Variants in ISL1 observed in about 807,000 individuals in gnomAD.
ISL1 encodes ISL LIM homeobox 1.
Under a neutral mutation model 35.3 loss-of-function variants are expected in ISL1, and 4 were observed. That is an observed-to-expected ratio of 0.11 (90% CI 0.06 to 0.26). The LOEUF (loss-of-function observed/expected upper bound fraction) is 0.26. Among genes scored for constraint, ISL1 ranks in the 10% least tolerant of loss-of-function variants. The pLI is 1.00. For missense variants in ISL1, 340 were observed against 472.8 expected (o/e 0.72, Z 2.60); for synonymous variants, 186 against 172.3 (o/e 1.08, Z -0.62).
intron 4 of ISL1, among the ~76,000 whole-genome samples, chr5:51,390,636 C>CTTTTTTTTTTTTTTTTTTTTTTTT (rs1216503548): frequency 1.3e-5 from 1 of 74,328 alleles, no homozygotes; most frequent in Non-Finnish European, 2.8e-5. Flanking sequence ...TCTTTTCTTT[C>CTTTTTTTTTTTTTTTTTTTTTTTT]TTTTTCTTTT....
intron 5 of ISL1, among the ~76,000 whole-genome samples, 197 bp from the exon 6 acceptor site, chr5:51,393,297 T>C (rs1433980701): frequency 6.6e-6 from 1 of 152,234 alleles, no homozygotes; most frequent in African/African-American, 2.4e-5. Flanking sequence ...TTTTGGAAGA[T>C]GGGAAAGTGA....
intron 2 of ISL1, among the ~76,000 whole-genome samples, chr5:51,385,982 C>T (rs1432889515): frequency 6.6e-6 from 1 of 151,572 alleles, no homozygotes; most frequent in Non-Finnish European, 1.5e-5. Flanking sequence ...TAAAATTAAC[C>T]TGGTTGGGGG....
At chr5:51,393,445 A>G (rs1440987135) in intron 5 of ISL1, 49 bp from the exon 6 acceptor site, 1 of 1,006,772 alleles carries the variant, frequency 9.9e-7, no homozygotes, top group Non-Finnish European at 1.6e-6. Context: ...TAATCTTTTT[A>G]TGAATACTAT....
rs1380483229 is a variant in ISL1 at position 51,389,578 on chromosome 5, C to T, written c.479-68C>T. 6.6e-6 allele frequency: 9 copies of T among 1,354,624 alleles called. No individual in the cohort carries two copies. In the East Asian group the frequency reaches 2.1e-4, roughly 31 times the overall value. The allele number at this position is 1,354,624 out of a possible 1,614,324, so 83.9% of individuals were successfully genotyped here. ...GCGGGCAAGCGAGCGAGCGAGCGAGCGCGCGACCGCGGGCGGGCCGGCAAG... is the reference window on the plus strand; with the variant it reads ...GCGGGCAAGCGAGCGAGCGAGCGAGTGCGCGACCGCGGGCGGGCCGGCAAG... On this transcript the variant is annotated intron_variant, in intron 3 of 5. Coordinates refer to ENST00000230658, the MANE Select transcript of ISL1 (RefSeq NM_002202.3). This position sits in a 1 kb window ranked among gnomAD's most constrained non-coding sequence, Gnocchi z 5.0.
rs947830516 is a variant in ISL1, at chr5:51,389,540, A to AGCGGGCGG, written c.479-95_479-88dup. 10 of 933,456 alleles carry AGCGGGCGG rather than the reference A, an allele frequency of 1.1e-5. No individual in the cohort carries two copies. In the Admixed American group the frequency reaches 3.5e-4, roughly 33 times the overall value. The allele number at this position is 933,456 out of a possible 1,614,324, so 57.8% of individuals were successfully genotyped here. On this transcript the variant is annotated intron_variant, in intron 3 of 5. Coordinates refer to ENST00000230658, the MANE Select transcript of ISL1 (RefSeq NM_002202.3). This position sits in a 1 kb window ranked among gnomAD's most constrained non-coding sequence, Gnocchi z 5.0. ...AGTATCTCGGGCGGGCGAGCAAGTA[A>AGCGGGCGG]GCGGGCGGGCGGGCGGGCAAGCGAG...
chr5:51,390,636 C>CTTTTTTT (rs1216503548), intron 4 of ISL1, among the ~76,000 whole-genome samples: 2 of 74,332 alleles, frequency 2.7e-5, no homozygotes, highest in Admixed American at 1.5e-4. Flanking sequence ...TCTTTTCTTT[C>CTTTTTTT]TTTTTCTTTT....
chr5:51,384,429 A>G, intron 1 of ISL1, 112 bp from the exon 2 acceptor site: 1 of 930,854 alleles, frequency 1.1e-6, no homozygotes, highest in East Asian at 2.5e-5. Flanking sequence ...GAAAGAAAGA[A>G]AGAAAGAAAA....
rs908889321 is a variant in ISL1 at position 51,394,265 on chromosome 5, A to C, written c.*655A>C. The C allele has an allele frequency of 6.5e-6, 1 of 152,686 alleles. No individual in the cohort carries two copies. The highest frequency in any genetic ancestry group is 1.5e-5 in the Non-Finnish European group (1 of 68,138). 9.5% of individuals were successfully genotyped at this position (152,686 alleles called of 1,614,324 possible). A position where few individuals can be genotyped will look rare whatever the true frequency, so the allele number is the denominator to read the frequency against. On this transcript the variant is annotated 3_prime_UTR_variant, in exon 6 of 6. Transcript: ENST00000230658. The stretch of plus-strand genomic sequence containing the variant: ...ATCAAGAAGTCTGAAGCGACTATAA[A>C]GGTTTTTGAATTCAGATTTAAAAAC...
At chr5:51,393,426 A>T (rs760178032) in intron 5 of ISL1, 68 bp from the exon 6 acceptor site, 1 of 870,996 alleles carries the variant, frequency 1.1e-6, no homozygotes, top group Non-Finnish European at 2.0e-6. Context: ...ATACAATATG[A>T]TGAGTTTATA....
chr5:51,391,150 A>T, intron 4 of ISL1, 124 bp from the exon 5 acceptor site: 1 of 866,738 alleles, frequency 1.2e-6, no homozygotes, highest in Non-Finnish European at 1.8e-6. Context: ...GGATTAACTG[A>T]GTCAATAAAG....
At position 51,390,642 on chromosome 5, in the gene ISL1, C is replaced by CTTTTTTTTTTTTTTTTTTTTTT. The variant is rs57707586; in HGVS notation, c.766-615_766-594dup. 2.9e-3 allele frequency among the ~76,000 whole-genome samples: 117 copies of CTTTTTTTTTTTTTTTTTTTTTT among 40,196 alleles called. 8 individuals are homozygous for CTTTTTTTTTTTTTTTTTTTTTT. The highest frequency in any genetic ancestry group is 3.3e-3 in the Non-Finnish European group (71 of 21,272). 26.4% of individuals were successfully genotyped at this position (40,196 alleles called of 152,430 possible). On this transcript the variant is annotated intron_variant, in intron 4 of 5. Coordinates refer to ENST00000230658, the MANE Select transcript of ISL1 (RefSeq NM_002202.3). ...TCCTTTTTTTCTTTTCTTTCTTTTTCTTTTTTTTTTTTTTTTTTTTTTTTT... is the reference window on the plus strand; with the variant it reads ...TCCTTTTTTTCTTTTCTTTCTTTTTCTTTTTTTTTTTTTTTTTTTTTTTTTTTTTTTTTTTTTTTTTTTTTTT...
intron 2 of ISL1, among the ~76,000 whole-genome samples, chr5:51,386,037 G>C (rs1247449439): frequency 2.6e-5 from 4 of 152,020 alleles, no homozygotes; most frequent in Admixed American, 1.3e-4. Context: ...AAGGGAAGTC[G>C]GGGTACAGGA....
rs1057369429 is a variant in ISL1 at position 51,389,558 on chromosome 5, C to T, written c.479-88C>T. The T allele has an allele frequency of 6.2e-5, 76 of 1,219,556 alleles. No individual in the cohort carries two copies. Among genetic ancestry groups the T allele is most frequent in the Non-Finnish European group, 7.5e-5 (71 of 945,598 alleles). The allele number at this position is 1,219,556 out of a possible 1,614,324, so 75.5% of individuals were successfully genotyped here. A position where few individuals can be genotyped will look rare whatever the true frequency, so the allele number is the denominator to read the frequency against. ...GCAAGTAAGCGGGCGGGCGGGCGGG[C>T]AAGCGAGCGAGCGAGCGAGCGCGCG... On this transcript the variant is annotated intron_variant, in intron 3 of 5. Transcript: ENST00000230658. The surrounding 1 kb of genome is among the most constrained non-coding windows in gnomAD (Gnocchi z 5.0).
Position 51,387,779 on chromosome 5 carries a change from G to A in ISL1, c.478+30G>A. On this transcript the variant is annotated intron_variant, in intron 3 of 5. Coordinates refer to ENST00000230658, the MANE Select transcript of ISL1 (RefSeq NM_002202.3). This position sits in a 1 kb window ranked among gnomAD's most constrained non-coding sequence, Gnocchi z 4.3. Reference sequence around the variant, plus strand: ...TCCTCTGCCCGGCTCGGGTAGGCAGGCGCCAGGTTAAGCCAGCCTGTGTGC... The same window carrying A: ...TCCTCTGCCCGGCTCGGGTAGGCAGACGCCAGGTTAAGCCAGCCTGTGTGC... 2.5e-6 allele frequency: 4 copies of A among 1,611,964 alleles called. No individual in the cohort carries two copies. The highest frequency in any genetic ancestry group is 2.5e-6 in the Non-Finnish European group (3 of 1,179,530).
rs1161102145 is a variant in ISL1, at chr5:51,389,593, GGGCC to G, written c.479-49_479-46del. On this transcript the variant is annotated intron_variant, in intron 3 of 5. Coordinates refer to ENST00000230658, the MANE Select transcript of ISL1 (RefSeq NM_002202.3). The surrounding 1 kb of genome is among the most constrained non-coding windows in gnomAD (Gnocchi z 5.0). ...AGCGAGCGAGCGCGCGACCGCGGGC[GGGCC>G]GGCAAGCGAGCCTCCAGCCCAGCGC... 1.4e-6 allele frequency: 2 copies of G among 1,425,764 alleles called. No homozygotes were observed. The highest frequency in any genetic ancestry group is 5.6e-5 in the East Asian group (2 of 35,594). 88.3% of individuals were successfully genotyped at this position (1,425,764 alleles called of 1,614,324 possible).
At position 51,393,917 on chromosome 5, in the gene ISL1, A is replaced by T. The variant is rs1233632645; in HGVS notation, c.*307A>T. 1 of 380,528 alleles carries T rather than the reference A, an allele frequency of 2.6e-6. No individual in the cohort carries two copies. Among genetic ancestry groups the T allele is most frequent in the Admixed American group, 4.3e-5 (1 of 23,442 alleles). 23.6% of individuals were successfully genotyped at this position (380,528 alleles called of 1,614,324 possible). A position where few individuals can be genotyped will look rare whatever the true frequency, so the allele number is the denominator to read the frequency against. On this transcript the variant is annotated 3_prime_UTR_variant, in exon 6 of 6. Transcript: ENST00000230658. Reference sequence around the variant, plus strand: ...AAACGTAGAGGATTTATATTCAAGGATCTCAAAGAAAGCATTTTCATTTCA... The same window carrying T: ...AAACGTAGAGGATTTATATTCAAGGTTCTCAAAGAAAGCATTTTCATTTCA...
In ISL1 at chr5:51,390,642, C is replaced by CTTTTTTT. The variant is rs57707586; in HGVS notation, c.766-600_766-594dup. On this transcript the variant is annotated intron_variant, in intron 4 of 5. Coordinates refer to ENST00000230658, the MANE Select transcript of ISL1 (RefSeq NM_002202.3). ...TCCTTTTTTTCTTTTCTTTCTTTTT[C>CTTTTTTT]TTTTTTTTTTTTTTTTTTTTTTTTT... 3.3e-3 allele frequency among the ~76,000 whole-genome samples: 133 copies of CTTTTTTT among 39,962 alleles called. 3 individuals carry two copies. The highest frequency in any genetic ancestry group is 0.015 in the Middle Eastern group (1 of 68). 26.2% of individuals were successfully genotyped at this position (39,962 alleles called of 152,430 possible).
At chr5:51,388,512 G>A (rs1368585440) in intron 3 of ISL1, among the ~76,000 whole-genome samples, 1 of 152,172 alleles carries the variant, frequency 6.6e-6, no homozygotes, top group Non-Finnish European at 1.5e-5. Flanking sequence ...TGCAGGATTT[G>A]TATCATGTAG....
rs146931845 is a variant in ISL1 at position 51,390,403 on chromosome 5, C to T, written c.765+471C>T. Reference sequence around the variant, plus strand: ...GGTCACCCTGTGAGCCCCCAGGGCGCACCGCACTTCTAAGTAAGGTCGGCC... The same window carrying T: ...GGTCACCCTGTGAGCCCCCAGGGCGTACCGCACTTCTAAGTAAGGTCGGCC... On this transcript the variant is annotated intron_variant, in intron 4 of 5. Coordinates refer to ENST00000230658, the MANE Select transcript of ISL1 (RefSeq NM_002202.3). 3.5e-3 allele frequency among the ~76,000 whole-genome samples: 530 copies of T among 152,230 alleles called. 3 individuals are homozygous for T. Among genetic ancestry groups the T allele is most frequent in the Non-Finnish European group, 6.4e-3 (436 of 68,012 alleles).
Sources: gnomAD v4.1 joint callset for allele counts (sites outside exome capture counted in the v4.1 genomes callset) on GRCh38, gnomAD v4.1.1 for gene constraint, Gnocchi (gnomAD v3.1) non-coding constraint, MANE v1.5 for transcripts, NCBI Gene and HGNC (gene_info 2026-07-23, HGNC 2026-07-21) for gene names.